The following LDLRAD4 variants were observed in gnomAD, a reference collection of about 807,000 sequenced individuals.
LDLRAD4 encodes the protein low-density lipoprotein receptor class A domain-containing protein 4.
LDLRAD4 carries 5 observed loss-of-function variants against 17.0 expected under a neutral mutation model. The ratio of observed to expected loss-of-function variants is 0.29; its 90% confidence interval spans 0.15 to 0.62. The LOEUF (loss-of-function observed/expected upper bound fraction) is 0.62, where lower values mean the gene tolerates loss of function less well. Ranked by LOEUF, LDLRAD4 falls within the 20% of genes least tolerant of loss-of-function variation. LDLRAD4 has a pLI of 0.84. For synonymous variants in LDLRAD4, 168 were observed against 171.8 expected (o/e 0.98, Z 0.17); for missense variants, 340 against 424.7 (o/e 0.80, Z 1.75).
chr18:13,551,248 G>A (rs539572032), intron 3 of LDLRAD4, among the ~76,000 whole-genome samples: 1 of 152,286 alleles, frequency 6.6e-6, no homozygotes, highest in South Asian at 2.1e-4. Context: ...GAGCAGCAGC[G>A]AGGGTCCCCC....
intron 1 of LDLRAD4, among the ~76,000 whole-genome samples, chr18:13,245,545 C>G (rs551648470): frequency 1.8e-4 from 27 of 152,306 alleles, no homozygotes; most frequent in Admixed American, 1.3e-3. Flanking sequence ...CAGCCCAAGT[C>G]AGAAGGCTCA....
At chr18:13,595,513 G>A (rs2095084476) in intron 3 of LDLRAD4, among the ~76,000 whole-genome samples, 1 of 151,822 alleles carries the variant, frequency 6.6e-6, no homozygotes, top group South Asian at 2.1e-4. Flanking sequence ...TTTTGTTTGA[G>A]GGTGTTTTGT....
At chr18:13,290,994 T>C (rs1367270878) in intron 1 of LDLRAD4, among the ~76,000 whole-genome samples, 1 of 152,240 alleles carries the variant, frequency 6.6e-6, no homozygotes, top group Non-Finnish European at 1.5e-5. Flanking sequence ...ATGGGGATTT[T>C]AATTTCCTGG....
At chr18:13,342,149 G>A (rs2082405869) in intron 1 of LDLRAD4, among the ~76,000 whole-genome samples, 2 of 151,902 alleles carry the variant, frequency 1.3e-5, no homozygotes, top group African/African-American at 2.4e-5. Flanking sequence ...TATTTAGTTG[G>A]GGATTTTTAT....
intron 1 of LDLRAD4, among the ~76,000 whole-genome samples, chr18:13,375,509 G>A (rs1304270565): frequency 6.6e-6 from 1 of 152,198 alleles, no homozygotes; most frequent in African/African-American, 2.4e-5. Flanking sequence ...GTGTTGGGCT[G>A]GAAATGAGGG....
At chr18:13,266,778 G>A (rs1251887445) in intron 1 of LDLRAD4, among the ~76,000 whole-genome samples, 1 of 152,244 alleles carries the variant, frequency 6.6e-6, no homozygotes, top group African/African-American at 2.4e-5. Flanking sequence ...CACTACCCTT[G>A]GAGCTGCCTT....
chr18:13,643,025 T>C (rs28542603), intron 4 of LDLRAD4, among the ~76,000 whole-genome samples: 90,195 of 151,062 alleles, frequency 0.6, 27,664 homozygotes, highest in East Asian at 0.89. Flanking sequence ...AACCTCCGCG[T>C]CCCAGGTTTA....
At chr18:13,547,552 G>A (rs761349252) in intron 3 of LDLRAD4, among the ~76,000 whole-genome samples, 1 of 152,168 alleles carries the variant, frequency 6.6e-6, no homozygotes, top group East Asian at 1.9e-4. Flanking sequence ...ACCTGTCAAG[G>A]GCGAGCCAGG....
chr18:13,348,535 A>G (rs1256374613), intron 1 of LDLRAD4, among the ~76,000 whole-genome samples: 7 of 152,096 alleles, frequency 4.6e-5, no homozygotes, highest in African/African-American at 1.7e-4. Flanking sequence ...CCACTTGAGG[A>G]GGCAGTCTGT....
rs750872799 is a variant in LDLRAD4, at chr18:13,504,258, G to C, written c.181+65874G>C. On this transcript the variant is annotated intron_variant, in intron 3 of 5. Coordinates refer to ENST00000359446, the Ensembl canonical transcript of LDLRAD4. ...AGTTCCCTGCTTTTATCAACCTAAA[G>C]CATTACTAATGGGTTGCTCCGGTTC... is the stretch of plus-strand genomic sequence containing the variant. Among the ~76,000 whole-genome samples the C allele has an allele frequency of 3.9e-5, 6 of 152,158 alleles. No homozygotes were observed. The South Asian group carries it at 1.2e-3, about 32-fold the overall frequency.
chr18:13,388,547 C>T (rs1410365248), intron 2 of LDLRAD4, among the ~76,000 whole-genome samples: 1 of 152,172 alleles, frequency 6.6e-6, no homozygotes, highest in East Asian at 1.9e-4. Context: ...TAGAAATAGT[C>T]ACAAGAAGTG....
At chr18:13,448,657 G>A (rs1011323923) in intron 3 of LDLRAD4, among the ~76,000 whole-genome samples, 1 of 152,036 alleles carries the variant, frequency 6.6e-6, no homozygotes, top group African/African-American at 2.4e-5. Flanking sequence ...GGCGGAGGCT[G>A]GGGGACCACC....
intron 1 of LDLRAD4, among the ~76,000 whole-genome samples, chr18:13,269,254 G>T (rs2044387133): frequency 6.6e-6 from 1 of 152,210 alleles, no homozygotes; most frequent in Admixed American, 6.5e-5. Context: ...GTTAATAGTG[G>T]CTCCCAAGCT....
chr18:13,342,530 T>C (rs887055883), intron 1 of LDLRAD4, among the ~76,000 whole-genome samples: 17 of 144,546 alleles, frequency 1.2e-4, no homozygotes, highest in African/African-American at 4.4e-4. Flanking sequence ...CATGGTTTAT[T>C]CCTAAATATT....
intron 1 of LDLRAD4, among the ~76,000 whole-genome samples, chr18:13,256,715 C>T (rs1398803409): frequency 2.6e-5 from 4 of 152,266 alleles, no homozygotes; most frequent in African/African-American, 4.8e-5. Flanking sequence ...CCTTTGAAAA[C>T]GAGAGCCCTG....
chr18:13,556,496 C>G (rs1346909872), intron 3 of LDLRAD4, among the ~76,000 whole-genome samples: 1 of 152,102 alleles, frequency 6.6e-6, no homozygotes, highest in Non-Finnish European at 1.5e-5. Flanking sequence ...TTGGCTATGC[C>G]CGAATCCAGA....
chr18:13,639,538 C>G (rs951273773), intron 4 of LDLRAD4, among the ~76,000 whole-genome samples: 3 of 152,188 alleles, frequency 2.0e-5, no homozygotes, highest in African/African-American at 7.2e-5. Context: ...GGCTGTGGAG[C>G]GAGCATCAGC....
intron 1 of LDLRAD4, among the ~76,000 whole-genome samples, chr18:13,284,444 G>A (rs758064404): frequency 6.6e-5 from 10 of 152,068 alleles, no homozygotes; most frequent in Admixed American, 2.6e-4. Context: ...TAGCAGCTCC[G>A]TCAGTTCATG....
chr18:13,588,338 G>A (rs1483139291), intron 3 of LDLRAD4, among the ~76,000 whole-genome samples: 1 of 152,050 alleles, frequency 6.6e-6, no homozygotes, highest in African/African-American at 2.4e-5. Flanking sequence ...TGGACCAGTG[G>A]GAGTGATACT....
Sources: gnomAD v4.1 joint callset for allele counts (sites outside exome capture counted in the v4.1 genomes callset) on GRCh38, gnomAD v4.1.1 for gene constraint, MANE v1.5 for transcripts, NCBI Gene and HGNC (gene_info 2026-07-23, HGNC 2026-07-21) for gene names.